Variants in PTPRA observed in about 807,000 individuals in gnomAD.
The protein encoded by PTPRA is receptor-type tyrosine-protein phosphatase alpha.
PTPRA carries 25 observed loss-of-function variants against 104.8 expected under a neutral mutation model. The observed-to-expected ratio is 0.24, with a 90% CI of 0.17 to 0.33. The LOEUF (loss-of-function observed/expected upper bound fraction) is 0.33. Among genes scored for constraint, PTPRA ranks in the 10% least tolerant of loss-of-function variants. PTPRA has a pLI of 1.00. For synonymous variants in PTPRA, 323 were observed against 368.9 expected (o/e 0.88, Z 1.43); for missense variants, 765 against 1,015.3 (o/e 0.75, Z 3.35).
Position 3,030,102 on chromosome 20 carries a change from C to T in PTPRA, c.1920+2261C>T, listed in dbSNP as rs117558622. Among the ~76,000 whole-genome samples, 218 of 152,244 alleles carry T rather than the reference C, an allele frequency of 1.4e-3. 1 individual carries two copies. The highest frequency in any genetic ancestry group is 9.9e-3 in the East Asian group (51 of 5,172). ...AGAGCAGGCCGAAGAGCTGGAACCA[C>T]GAGCACAAGGACCATCTCGGCCCAC... is the stretch of plus-strand genomic sequence containing the variant. On this transcript the variant is annotated intron_variant, in intron 20 of 23. Transcript: ENST00000399903.
chr20:2,905,714 T>C (rs1036326812), intron 1 of PTPRA, among the ~76,000 whole-genome samples: 2 of 126,942 alleles, frequency 1.6e-5, no homozygotes, highest in African/African-American at 7.3e-5. Context: ...TTTTTTTTTT[T>C]GCTCTTGTTT....
rs1187536124 is a variant in PTPRA at position 3,025,528 on chromosome 20, GTTC to G, written c.1614+912_1614+914del. 3.0e-4 allele frequency among the ~76,000 whole-genome samples: 46 copies of G among 151,086 alleles called. No homozygotes were observed. In the Middle Eastern group the frequency reaches 0.011, roughly 35 times the overall value. Reference sequence around the variant, plus strand: ...GGGGTGGGGAGGACCACTTAGAGAAGTTCTTCTCAAATATAGCATGTGCACAGA... The same window carrying G: ...GGGGTGGGGAGGACCACTTAGAGAAGTTCTCAAATATAGCATGTGCACAGA... On this transcript the variant is annotated intron_variant, in intron 17 of 23. Transcript: ENST00000399903.
chr20:2,986,361 A>G (rs1252830461), intron 6 of PTPRA, among the ~76,000 whole-genome samples: 1 of 152,202 alleles, frequency 6.6e-6, no homozygotes, highest in Admixed American at 6.5e-5. Flanking sequence ...CTGCATACCT[A>G]ACTTGCCATC....
chr20:3,028,480 ACCT>A (rs1227416072), intron 20 of PTPRA, among the ~76,000 whole-genome samples: 1 of 152,156 alleles, frequency 6.6e-6, no homozygotes, highest in Non-Finnish European at 1.5e-5. Context: ...AGTATAGGAA[ACCT>A]CCTAATATTG....
intron 1 of PTPRA, among the ~76,000 whole-genome samples, chr20:2,903,903 T>G (rs1338826140): frequency 1.3e-5 from 2 of 151,804 alleles, no homozygotes; most frequent in East Asian, 3.9e-4. Context: ...GCTTGGTGGG[T>G]TTCCATAACT....
intron 9 of PTPRA, among the ~76,000 whole-genome samples, chr20:2,990,151 T>C (rs1365236825): frequency 6.6e-6 from 1 of 152,194 alleles, no homozygotes; most frequent in Non-Finnish European, 1.5e-5. Flanking sequence ...ATGTCATGAC[T>C]AGGAAATGGG....
chr20:2,989,735 C>T (rs1018869657), intron 9 of PTPRA, among the ~76,000 whole-genome samples: 2 of 152,060 alleles, frequency 1.3e-5, no homozygotes, highest in Non-Finnish European at 2.9e-5. Flanking sequence ...AAAAATGACT[C>T]AGCTGGGCAC....
rs2062372878 is a variant in PTPRA at position 2,975,070 on chromosome 20, G to A, written c.416-145G>A. ...CCACTGTCCAAAGTTTAGTGAATCT[G>A]GGCAGCCTTGTTTCCCAGTTGTTGG... On this transcript the variant is annotated intron_variant, in intron 5 of 23. Transcript: ENST00000399903. The A allele has an allele frequency of 7.7e-6, 5 of 648,692 alleles. No homozygotes were observed. The East Asian group carries it at 1.5e-4, about 19-fold the overall frequency. 40.2% of individuals were successfully genotyped at this position (648,692 alleles called of 1,614,324 possible).
intron 1 of PTPRA, among the ~76,000 whole-genome samples, chr20:2,916,959 CTTT>C (rs35317223): frequency 3.0e-5 from 4 of 131,524 alleles, no homozygotes; most frequent in East Asian, 2.2e-4. Flanking sequence ...TTTTTTATTT[CTTT>C]TTTTTTTTTT....
intron 18 of PTPRA, 137 bp from the exon 19 acceptor site, chr20:3,026,984 C>G: frequency 9.5e-7 from 1 of 1,051,502 alleles, no homozygotes; most frequent in Non-Finnish European, 1.4e-6. Flanking sequence ...CAAAGGCTTT[C>G]TCCCTAATGA....
At chr20:2,926,436 C>T (rs1243424366) in intron 2 of PTPRA, among the ~76,000 whole-genome samples, 4 of 152,180 alleles carry the variant, frequency 2.6e-5, no homozygotes, top group Non-Finnish European at 4.4e-5. Flanking sequence ...GCATATCTGT[C>T]TCTTGTGTCC....
intron 3 of PTPRA, among the ~76,000 whole-genome samples, chr20:2,957,153 C>T (rs1208591969): frequency 2.6e-5 from 4 of 152,130 alleles, no homozygotes; most frequent in East Asian, 1.9e-4. Context: ...GGCGTGGTGG[C>T]GGGCACCTGT....
At chr20:3,031,692 TC>T (rs1163472505) in intron 20 of PTPRA, among the ~76,000 whole-genome samples, 1 of 152,170 alleles carries the variant, frequency 6.6e-6, no homozygotes, top group African/African-American at 2.4e-5. Context: ...ATTTTTGTCT[TC>T]ATCAAGTCCT....
At position 3,022,662 on chromosome 20, in the gene PTPRA, C is replaced by T. The variant is rs574137627; in HGVS notation, c.1329-27C>T. 177 of 1,613,758 alleles carry T rather than the reference C, an allele frequency of 1.1e-4. No individual in the cohort carries two copies. Among genetic ancestry groups the T allele is most frequent in the Non-Finnish European group, 1.4e-4 (166 of 1,179,876 alleles). ...CTCCCACAAGGCAGGCTGGCCATCC[C>T]TATAACCCCCTGCTCTCTGGCTACA... On this transcript the variant is annotated intron_variant, in intron 15 of 23. Coordinates refer to ENST00000399903, the MANE Select transcript of PTPRA (RefSeq NM_001385305.1). The surrounding 1 kb of genome is among the most constrained non-coding windows in gnomAD (Gnocchi z 4.6).
In PTPRA at chr20:3,024,585, A is replaced by G; in HGVS notation, c.1578A>G (p.Pro526=). The change falls in exon 17 of 24, where the codon CCA becomes CCG. Residue 526 remains proline, a synonymous_variant. Coordinates refer to ENST00000399903, the MANE Select transcript of PTPRA (RefSeq NM_001385305.1). ...TGCAGAAAATTTACAACAAAATCCC[A>G]GGGACCAGCAACAATGGATTAGAGG... ...THLQKIYNKI[P]GTSNNGLEEE... 1 of 1,614,198 alleles carries G rather than the reference A, an allele frequency of 6.2e-7. No individual in the cohort carries two copies. Among genetic ancestry groups the G allele is most frequent in the Non-Finnish European group, 8.5e-7 (1 of 1,180,022 alleles).
At chr20:2,864,543 C>T in the PTPRA span, 3 of 1,614,100 alleles carry the variant, frequency 1.9e-6, no homozygotes, top group African/African-American at 1.3e-5. This position sits in a 1 kb window ranked among gnomAD's most constrained non-coding sequence, Gnocchi z 5.2. Flanking sequence ...GCCTGTGGCC[C>T]CAGTTCTGTA....
intron 3 of PTPRA, among the ~76,000 whole-genome samples, chr20:2,954,109 C>CAT (rs2061451911): frequency 7.7e-6 from 1 of 129,492 alleles, no homozygotes; most frequent in African/African-American, 3.0e-5. Flanking sequence ...GAGAGTTTTG[C>CAT]TCTTGTTGCC....
At chr20:2,923,869 C>T (rs1168570932) in intron 2 of PTPRA, among the ~76,000 whole-genome samples, 2 of 152,140 alleles carry the variant, frequency 1.3e-5, no homozygotes, top group Admixed American at 1.3e-4. Flanking sequence ...TTGAGTAGAT[C>T]ACAGATGATC....
At chr20:3,000,446 T>C (rs2063578465) in intron 9 of PTPRA, among the ~76,000 whole-genome samples, 1 of 152,188 alleles carries the variant, frequency 6.6e-6, no homozygotes, top group Admixed American at 6.5e-5. Context: ...GTAGCAAATG[T>C]TGATAAGCAT....
Sources: allele counts gnomAD v4.1 joint callset (sites outside exome capture counted in the v4.1 genomes callset), GRCh38; gene constraint gnomAD v4.1.1; non-coding constraint Gnocchi (gnomAD v3.1); transcripts MANE v1.5; gene names NCBI Gene and HGNC (gene_info 2026-07-23, HGNC 2026-07-21).